DGKG: variants seen among roughly 807,000 people sequenced by gnomAD.
The protein encoded by DGKG is diacylglycerol kinase gamma, also known as DAG kinase gamma.
Under a neutral mutation model 105.3 loss-of-function variants are expected in DGKG, and 78 were observed. The observed-to-expected ratio is 0.74, with a 90% confidence interval of 0.62 to 0.89. DGKG has a LOEUF of 0.89. Ranked by LOEUF, DGKG falls within the 40% of genes least tolerant of loss-of-function variation. The pLI is 0.00. For synonymous variants in DGKG, 346 were observed against 367.1 expected, an observed-to-expected ratio of 0.94 and a Z score of 0.66; for missense variants, 958 against 1,020.1, an observed-to-expected ratio of 0.94 and a Z score of 0.83.
chr3:186,247,960 A>ACTTC (rs1209675429), intron 19 of DGKG, among the ~76,000 whole-genome samples: 4 of 151,404 alleles, frequency 2.6e-5, no homozygotes, highest in African/African-American at 4.8e-5. Flanking sequence ...AGCCAGCAGG[A>ACTTC]CTTCCTTCCT....
rs534509758 is a variant in DGKG, at chr3:186,251,824, C to T, written c.1696G>A (p.Glu566Lys). The T allele has an allele frequency of 1.1e-4, 171 of 1,613,980 alleles. 3 individuals carry two copies. In the South Asian group the frequency reaches 1.7e-3, roughly 16 times the overall value. The change falls in exon 19 of 25, where the codon GAG becomes AAG. Residue 566 changes from glutamate (E) to lysine (K), a missense_variant. Physicochemically the swap from Glu to Lys is moderately conservative, Grantham distance 56. Transcript: ENST00000265022. ...ACCTGGTCCCCGTTTTCCACTTCCTCTCTGGGGATGACTTCCAGATGCCAG... is the reference window on the plus strand; with the variant it reads ...ACCTGGTCCCCGTTTTCCACTTCCTTTCTGGGGATGACTTCCAGATGCCAG... ...DRWHLEVIPREEVENGDQVPY... is the reference protein window; with the variant it reads ...DRWHLEVIPRKEVENGDQVPY...
chr3:186,356,103 G>T (rs569367563), intron 1 of DGKG, among the ~76,000 whole-genome samples: 12 of 152,292 alleles, frequency 7.9e-5, no homozygotes, highest in African/African-American at 2.6e-4. Flanking sequence ...AGAAATATGG[G>T]CTCAGTTATA....
rs895233968 is a variant in DGKG at position 186,231,132 on chromosome 3, A to T, written c.1826+11372T>A. Among the ~76,000 whole-genome samples, 1 of 152,178 alleles carries T rather than the reference A, an allele frequency of 6.6e-6. No homozygotes were observed. The highest frequency in any genetic ancestry group is 6.5e-5 in the Admixed American group (1 of 15,284). On this transcript the variant is annotated intron_variant, in intron 20 of 24. Coordinates refer to ENST00000265022, the MANE Select transcript of DGKG (RefSeq NM_001346.3). The surrounding 1 kb of genome is among the most constrained non-coding windows in gnomAD (Gnocchi z 4.5). ...GTGCAGTCACTATTTCCTGTTGTGAATCCTTCACACACTTGAGGCCCATTC... is the reference window on the plus strand; with the variant it reads ...GTGCAGTCACTATTTCCTGTTGTGATTCCTTCACACACTTGAGGCCCATTC...
intron 22 of DGKG, among the ~76,000 whole-genome samples, chr3:186,176,433 G>A (rs1015751486): frequency 1.3e-5 from 2 of 152,146 alleles, no homozygotes; most frequent in Non-Finnish European, 2.9e-5. Flanking sequence ...TCTTATAAGG[G>A]AACTAATCAC....
At position 186,164,777 on chromosome 3, in the gene DGKG, T is replaced by A. The variant is rs935884043; in HGVS notation, c.2216+121A>T. The A allele has an allele frequency of 7.4e-6, 9 of 1,210,944 alleles. No homozygotes were observed. In the African/African-American group the frequency reaches 1.2e-4, roughly 16 times the overall value. 75.0% of individuals were successfully genotyped at this position (1,210,944 alleles called of 1,614,324 possible). ...CTACAAAGACGTTCTTTACAAACAT[T>A]ATCAAGCTTTTGTGCTGCACTCTCC... On this transcript the variant is annotated intron_variant, in intron 23 of 24. Transcript: ENST00000265022.
At chr3:186,359,989 CA>C in intron 1 of DGKG, among the ~76,000 whole-genome samples, 1 of 152,202 alleles carries the variant, frequency 6.6e-6, no homozygotes, top group Non-Finnish European at 1.5e-5. Flanking sequence ...CCTTCTCTTC[CA>C]GGGGAGGAGA....
At chr3:186,279,048 C>T (rs971876556) in intron 9 of DGKG, 1 of 152,202 alleles carries the variant, frequency 6.6e-6, no homozygotes, top group Non-Finnish European at 1.5e-5. Flanking sequence ...CACATATGCC[C>T]TACTCTGATC....
At chr3:186,176,633 G>C (rs1260929042) in intron 22 of DGKG, among the ~76,000 whole-genome samples, 1 of 152,160 alleles carries the variant, frequency 6.6e-6, no homozygotes, top group Non-Finnish European at 1.5e-5. Flanking sequence ...AGATCCACCA[G>C]CTAACGCAGT....
chr3:186,197,585 C>G (rs1015821793), intron 21 of DGKG, among the ~76,000 whole-genome samples: 1 of 152,084 alleles, frequency 6.6e-6, no homozygotes, highest in Non-Finnish European at 1.5e-5. Context: ...ATACCGTGGG[C>G]GGGGAGCAGC....
intron 9 of DGKG, among the ~76,000 whole-genome samples, chr3:186,277,235 C>G (rs1722629885): frequency 6.6e-6 from 1 of 152,180 alleles, no homozygotes; most frequent in African/African-American, 2.4e-5. Context: ...TAGTTCAATG[C>G]CTGACATATT....
chr3:186,222,864 G>A (rs1719656849), intron 20 of DGKG, among the ~76,000 whole-genome samples: 2 of 151,034 alleles, frequency 1.3e-5, no homozygotes, highest in Admixed American at 1.3e-4. Context: ...TGTATTCTGA[G>A]CTGCTTGGGA....
chr3:186,201,992 G>A (rs1034463398), intron 21 of DGKG, among the ~76,000 whole-genome samples: 9 of 152,168 alleles, frequency 5.9e-5, no homozygotes, highest in African/African-American at 1.2e-4. Flanking sequence ...TGCAGGTCCC[G>A]TGGCATTGTG....
chr3:186,230,950 C>T (rs1720121951), intron 20 of DGKG, among the ~76,000 whole-genome samples: 2 of 152,124 alleles, frequency 1.3e-5, no homozygotes, highest in African/African-American at 2.4e-5. Context: ...GAAGCCTTTG[C>T]AAGAGATTCC....
intron 2 of DGKG, among the ~76,000 whole-genome samples, chr3:186,313,750 A>G (rs1724670754): frequency 6.6e-6 from 1 of 151,756 alleles, no homozygotes; most frequent in Non-Finnish European, 1.5e-5. Context: ...AGATTCTGTG[A>G]CTCCTGGTGG....
chr3:186,209,846 C>G (rs372908586), intron 21 of DGKG, among the ~76,000 whole-genome samples: 1 of 152,176 alleles, frequency 6.6e-6, no homozygotes, highest in African/African-American at 2.4e-5. Context: ...CTGCCCCAAT[C>G]CTGAGGGCTG....
At chr3:186,225,556 A>G (rs1719818534) in intron 20 of DGKG, among the ~76,000 whole-genome samples, 1 of 152,152 alleles carries the variant, frequency 6.6e-6, no homozygotes, top group African/African-American at 2.4e-5. Flanking sequence ...TTTTACATAC[A>G]CACCTGAAGC....
intron 1 of DGKG, among the ~76,000 whole-genome samples, chr3:186,323,977 G>C (rs1725211312): frequency 6.7e-6 from 1 of 150,184 alleles, no homozygotes; most frequent in Non-Finnish European, 1.5e-5. Flanking sequence ...GTGTCGTGGT[G>C]CATGCTTGTA....
At chr3:186,182,255 A>C (rs1717395612) in intron 22 of DGKG, among the ~76,000 whole-genome samples, 1 of 152,260 alleles carries the variant, frequency 6.6e-6, no homozygotes, top group African/African-American at 2.4e-5. Flanking sequence ...AGCCGTAGTC[A>C]AGAGAGTGAA....
intron 10 of DGKG, among the ~76,000 whole-genome samples, chr3:186,274,226 C>T (rs539857296): frequency 3.3e-5 from 5 of 152,252 alleles, no homozygotes; most frequent in African/African-American, 9.6e-5. Flanking sequence ...TTCACTCCGT[C>T]ATCCAAGCTG....
Sources: allele counts gnomAD v4.1 joint callset (sites outside exome capture counted in the v4.1 genomes callset), GRCh38; gene constraint gnomAD v4.1.1; non-coding constraint Gnocchi (gnomAD v3.1); transcripts MANE v1.5; gene names NCBI Gene and HGNC (gene_info 2026-07-23, HGNC 2026-07-21).